CAMK4: variants seen among roughly 807,000 people sequenced by gnomAD.
CAMK4 encodes the protein calcium/calmodulin dependent protein kinase IV.
CAMK4 carries 22 observed loss-of-function variants against 44.9 expected under a neutral mutation model. That is an observed-to-expected ratio of 0.49 (90% CI 0.35 to 0.70). The LOEUF is 0.70. Among genes scored for constraint, CAMK4 ranks in the 30% least tolerant of loss-of-function variants. The probability of loss-of-function intolerance (pLI) is 0.01; values close to 1 mark genes in which losing one functional copy is unlikely to be tolerated. For synonymous variants in CAMK4, 218 were observed against 215.4 expected (o/e 1.01, Z -0.11); for missense variants, 498 against 586.8 (o/e 0.85, Z 1.56).
chr5:111,325,070 A>C (rs369848816), intron 1 of CAMK4, among the ~76,000 whole-genome samples: 3 of 151,022 alleles, frequency 2.0e-5, no homozygotes, highest in Admixed American at 1.3e-4. Flanking sequence ...TCATCGTTCA[A>C]CTCCCGCTTA....
At position 111,486,367 on chromosome 5, in the gene CAMK4, C is replaced by T. The variant is rs912848848; in HGVS notation, c.*1901C>T. The T allele has an allele frequency of 2.0e-5, 3 of 151,784 alleles. No individual in the cohort carries two copies. The highest frequency in any genetic ancestry group is 7.3e-5 in the African/African-American group (3 of 41,268). 9.4% of individuals were successfully genotyped at this position (151,784 alleles called of 1,614,324 possible). A position where few individuals can be genotyped will look rare whatever the true frequency, so the allele number is the denominator to read the frequency against. ...CCTTCCTTCCTCATTTAATTATTCC[C>T]TCTCAGAATTCCCATGTTGTCCATT... On this transcript the variant is annotated 3_prime_UTR_variant, in exon 11 of 11. Coordinates refer to ENST00000282356, the MANE Select transcript of CAMK4 (RefSeq NM_001744.6).
In CAMK4 at chr5:111,344,101, C is replaced by G; in HGVS notation, c.239C>G (p.Thr80Arg). 6.3e-7 allele frequency: 1 copy of G among 1,576,286 alleles called. No homozygotes were observed. The highest frequency in any genetic ancestry group is 8.7e-7 in the Non-Finnish European group (1 of 1,146,776). ...KPYALKVLKK[T>R]VDKKIVRTEI... is the part of the protein sequence containing the mutation. ...TATGCTCTCAAAGTGTTAAAGAAAA[C>G]AGTAAGTTTATTTCTTATATAATGG... The change falls in exon 2 of 11, where the codon ACA becomes AGA. Residue 80 changes from threonine (T) to arginine (R), a missense_variant and splice_region_variant. By Grantham distance (71) the Thr-to-Arg change is moderately conservative. This residue lies in a region of CAMK4 where 152 missense variants were observed against 143.7 expected (regional missense o/e 1.06). Transcript: ENST00000282356.
chr5:111,366,305 G>T (rs1194470678), intron 2 of CAMK4, among the ~76,000 whole-genome samples: 1 of 152,136 alleles, frequency 6.6e-6, no homozygotes, highest in Non-Finnish European at 1.5e-5. Flanking sequence ...AGCATTTTCT[G>T]TGGAAATGCT....
At chr5:111,356,926 G>T (rs1192797053) in intron 2 of CAMK4, among the ~76,000 whole-genome samples, 1 of 152,034 alleles carries the variant, frequency 6.6e-6, no homozygotes, top group Non-Finnish European at 1.5e-5. Flanking sequence ...AAAGCAGGCT[G>T]ATGAGAGAGA....
At chr5:111,334,461 C>T (rs1644503) in intron 1 of CAMK4, among the ~76,000 whole-genome samples, 63,609 of 151,272 alleles carry the variant, frequency 0.42, 13,907 homozygotes, top group South Asian at 0.58. Flanking sequence ...AAGATGTATA[C>T]TGATATTAAA....
intron 2 of CAMK4, among the ~76,000 whole-genome samples, chr5:111,349,525 A>T (rs1750005585): frequency 6.6e-6 from 1 of 151,938 alleles, no homozygotes; most frequent in Non-Finnish European, 1.5e-5. Context: ...ATATCAAAGG[A>T]AAAAAATAAA....
intron 4 of CAMK4, among the ~76,000 whole-genome samples, chr5:111,378,542 T>C (rs985814155): frequency 6.6e-6 from 1 of 152,194 alleles, no homozygotes; most frequent in African/African-American, 2.4e-5. Flanking sequence ...ACTACATATG[T>C]ATGTGTAACA....
At chr5:111,240,002 T>G (rs1202918805) in intron 1 of CAMK4, among the ~76,000 whole-genome samples, 3 of 152,166 alleles carry the variant, frequency 2.0e-5, no homozygotes, top group Non-Finnish European at 2.9e-5. Flanking sequence ...GAAAAGAAGG[T>G]GTAGTATAAC....
chr5:111,381,512 G>A (rs925661312), intron 4 of CAMK4, among the ~76,000 whole-genome samples: 1 of 152,122 alleles, frequency 6.6e-6, no homozygotes, highest in Non-Finnish European at 1.5e-5. Context: ...GAGACCAGAA[G>A]ACTTAGCCAG....
At chr5:111,445,392 C>T (rs751961795) in intron 5 of CAMK4, among the ~76,000 whole-genome samples, 1 of 151,846 alleles carries the variant, frequency 6.6e-6, no homozygotes, top group Non-Finnish European at 1.5e-5. Flanking sequence ...TGTGTATATA[C>T]ATATGTAGTC....
rs866875621 is a variant in CAMK4 at position 111,477,680 on chromosome 5, T to C, written c.702-701T>C. Reference sequence around the variant, plus strand: ...TTTAAGTTGACTCCATAGTAGAAAATGATACAAAGAATGAGGTAAATTGAG... The same window carrying C: ...TTTAAGTTGACTCCATAGTAGAAAACGATACAAAGAATGAGGTAAATTGAG... On this transcript the variant is annotated intron_variant, in intron 8 of 10. Coordinates refer to ENST00000282356, the MANE Select transcript of CAMK4 (RefSeq NM_001744.6). 1.2e-4 allele frequency among the ~76,000 whole-genome samples: 18 copies of C among 152,322 alleles called. No individual in the cohort carries two copies. The Middle Eastern group carries it at 0.017, about 144-fold the overall frequency.
At chr5:111,238,449 A>G (rs924920949) in intron 1 of CAMK4, among the ~76,000 whole-genome samples, 1 of 152,166 alleles carries the variant, frequency 6.6e-6, no homozygotes, top group Non-Finnish European at 1.5e-5. Context: ...TGGAGGACAC[A>G]GCAAGAAGTC....
At chr5:111,425,080 T>G (rs1395751643) in intron 5 of CAMK4, among the ~76,000 whole-genome samples, 1 of 151,374 alleles carries the variant, frequency 6.6e-6, no homozygotes, top group East Asian at 2.0e-4. Flanking sequence ...GGAGGATGGC[T>G]TGAATTCAGG....
chr5:111,374,975 C>T, intron 3 of CAMK4, 63 bp downstream of exon 3: 1 of 1,090,080 alleles, frequency 9.2e-7, no homozygotes, highest in East Asian at 2.4e-5. Flanking sequence ...GACCTTTGTC[C>T]TTCACTGTCA....
At chr5:111,365,025 T>C (rs306073) in intron 2 of CAMK4, 141,154 of 152,280 alleles carry the variant, frequency 0.93, 65,572 homozygotes, top group East Asian at 1. Context: ...TTCTCTTCTT[T>C]GTTGAGCCTA....
intron 1 of CAMK4, among the ~76,000 whole-genome samples, chr5:111,298,607 C>T (rs10900669): frequency 2.6e-5 from 4 of 152,118 alleles, no homozygotes; most frequent in Non-Finnish European, 4.4e-5. Context: ...TGTGCAGGTG[C>T]GACTAGCCCC....
At chr5:111,392,747 A>G (rs1751848464) in intron 4 of CAMK4, among the ~76,000 whole-genome samples, 1 of 152,160 alleles carries the variant, frequency 6.6e-6, no homozygotes, top group African/African-American at 2.4e-5. Context: ...CAAGAATAAC[A>G]TGTAAAATTA....
At chr5:111,319,120 A>G (rs1454236891) in intron 1 of CAMK4, among the ~76,000 whole-genome samples, 4 of 152,308 alleles carry the variant, frequency 2.6e-5, no homozygotes, top group Admixed American at 2.6e-4. Context: ...CTCAAGTCAC[A>G]CTGGAGAGAC....
At chr5:111,478,604 T>C in intron 9 of CAMK4, 97 bp downstream of exon 9, 1 of 506,830 alleles carries the variant, frequency 2.0e-6, no homozygotes, top group Non-Finnish European at 3.4e-6. Flanking sequence ...CCCATATTAA[T>C]GCCATATTTT....
Sources: gnomAD v4.1 joint callset for allele counts (sites outside exome capture counted in the v4.1 genomes callset) on GRCh38, gnomAD v4.1.1 for gene constraint, gnomAD v4.1.1 regional missense constraint, MANE v1.5 for transcripts, NCBI Gene and HGNC (gene_info 2026-07-23, HGNC 2026-07-21) for gene names.